VPS13A: variants seen among roughly 807,000 people sequenced by gnomAD.
The protein encoded by VPS13A is vacuolar protein sorting 13 homolog A.
Under a neutral mutation model 390.9 loss-of-function variants are expected in VPS13A, and 264 were observed. The observed-to-expected ratio is 0.68, with a 90% CI of 0.61 to 0.75. The LOEUF is 0.75. Ranked by LOEUF, VPS13A falls within the 30% of genes least tolerant of loss-of-function variation. VPS13A has a pLI of 0.00. For synonymous variants in VPS13A, 1,231 were observed against 1,227.1 expected, an observed-to-expected ratio of 1.00 and a Z score of -0.07; for missense variants, 3,409 against 3,733.9, an observed-to-expected ratio of 0.91 and a Z score of 2.27.
At position 77,267,202 on chromosome 9, in the gene VPS13A, C is replaced by T. The variant is rs542196925; in HGVS notation, c.2428-6078C>T. ...CTCATTCTCCATCCAGTTTTGTTCCCTTGCTGGCAAGGAGTTGTGATCCTT... is the reference window on the plus strand; with the variant it reads ...CTCATTCTCCATCCAGTTTTGTTCCTTTGCTGGCAAGGAGTTGTGATCCTT... On this transcript the variant is annotated intron_variant, in intron 23 of 71. Transcript: ENST00000360280. Among the ~76,000 whole-genome samples, 280 of 152,158 alleles carry T rather than the reference C, an allele frequency of 1.8e-3. 1 individual carries two copies. The highest frequency in any genetic ancestry group is 6.4e-3 in the African/African-American group (265 of 41,534).
intron 12 of VPS13A, among the ~76,000 whole-genome samples, 190 bp from the exon 13 acceptor site, chr9:77,220,991 TAAGA>T (rs957056046): frequency 3.9e-5 from 6 of 152,214 alleles, no homozygotes; most frequent in African/African-American, 1.4e-4. Flanking sequence ...TATTTTCACT[TAAGA>T]AAGAGGAAAG....
chr9:77,357,951 C>CTTT, intron 56 of VPS13A, 113 bp downstream of exon 56: 2 of 673,460 alleles, frequency 3.0e-6, no homozygotes, highest in Admixed American at 4.2e-5. Context: ...GTTGTGCTAG[C>CTTT]CTTTTTTTTT....
At chr9:77,209,744 A>G (rs1048775754) in intron 6 of VPS13A, among the ~76,000 whole-genome samples, 21 of 152,190 alleles carry the variant, frequency 1.4e-4, no homozygotes, top group Admixed American at 1.2e-3. Context: ...ATGTTCAGAC[A>G]TTAGATCATG....
At chr9:77,220,455 GAAT>G in intron 12 of VPS13A, 72 bp downstream of exon 12, 1 of 1,067,070 alleles carries the variant, frequency 9.4e-7, no homozygotes, top group Non-Finnish European at 1.4e-6. Flanking sequence ...TCGACTTCAA[GAAT>G]AATCTTTAAG....
intron 68 of VPS13A, among the ~76,000 whole-genome samples, chr9:77,398,647 T>G (rs926915973): frequency 6.6e-6 from 1 of 152,188 alleles, no homozygotes. Flanking sequence ...CAGCGTGACG[T>G]TCTCTCCCAT....
chr9:77,363,397 TTTTTTTA>T (rs1282966863), intron 59 of VPS13A, among the ~76,000 whole-genome samples: 1,348 of 94,362 alleles, frequency 0.014, 28 homozygotes, highest in African/African-American at 0.064. Context: ...TTAATTTTTT[TTTTTTTA>T]TTTTTTTTTT....
intron 3 of VPS13A, among the ~76,000 whole-genome samples, chr9:77,201,956 A>G (rs912681797): frequency 2.0e-5 from 3 of 152,136 alleles, no homozygotes; most frequent in African/African-American, 7.2e-5. Flanking sequence ...ATCTTTAATA[A>G]AAACTTATCT....
intron 46 of VPS13A, among the ~76,000 whole-genome samples, chr9:77,332,407 C>T (rs1830324679): frequency 6.6e-6 from 1 of 151,596 alleles, no homozygotes; most frequent in African/African-American, 2.4e-5. Flanking sequence ...TAGATCATGC[C>T]TGGTGGTTTC....
intron 17 of VPS13A, among the ~76,000 whole-genome samples, chr9:77,233,759 C>G (rs980611414): frequency 1.3e-5 from 2 of 151,892 alleles, no homozygotes; most frequent in African/African-American, 4.8e-5. Flanking sequence ...GGAGAAGATG[C>G]TTGGTGTATT....
chr9:77,213,197 C>T, intron 8 of VPS13A, 37 bp from the exon 9 acceptor site: 2 of 1,594,578 alleles, frequency 1.3e-6, no homozygotes, highest in Non-Finnish European at 1.7e-6. Flanking sequence ...AAAAATTCTT[C>T]AAAGAAAATG....
intron 35 of VPS13A, among the ~76,000 whole-genome samples, chr9:77,310,079 T>C (rs1056038669): frequency 6.6e-6 from 1 of 152,112 alleles, no homozygotes; most frequent in Non-Finnish European, 1.5e-5. Context: ...TCACCCAAAA[T>C]GTGAAAAGAA....
chr9:77,337,116 C>A lies in VPS13A; in HGVS notation c.6096-139C>A, dbSNP rs367998977. The A allele has an allele frequency of 3.0e-4, 286 of 947,384 alleles. No individual in the cohort carries two copies. In the African/African-American group the frequency reaches 4.4e-3, roughly 14 times the overall value. 58.7% of individuals were successfully genotyped at this position (947,384 alleles called of 1,614,324 possible). A position where few individuals can be genotyped will look rare whatever the true frequency, so the allele number is the denominator to read the frequency against. On this transcript the variant is annotated intron_variant, in intron 46 of 71. Coordinates refer to ENST00000360280, the MANE Select transcript of VPS13A (RefSeq NM_033305.3). The stretch of plus-strand genomic sequence containing the variant: ...CTGGCCTTATCTATCTTACTTATAT[C>A]GTAAAAAGTATATGAAAATATAAAA...
At position 77,360,743 on chromosome 9, in the gene VPS13A, C is replaced by T. The variant is rs974477711; in HGVS notation, c.8211+102C>T. 5.7e-6 allele frequency: 5 copies of T among 876,272 alleles called. No homozygotes were observed. In the Admixed American group the frequency reaches 8.7e-5, roughly 15 times the overall value. 54.3% of individuals were successfully genotyped at this position (876,272 alleles called of 1,614,324 possible). On this transcript the variant is annotated intron_variant, in intron 59 of 71. Coordinates refer to ENST00000360280, the MANE Select transcript of VPS13A (RefSeq NM_033305.3). ...ATGACTTTGTTGCATTTTAAAAATACAATTAAATAAATTTTATTACTCTCT... is the reference window on the plus strand; with the variant it reads ...ATGACTTTGTTGCATTTTAAAAATATAATTAAATAAATTTTATTACTCTCT...
Position 77,286,041 on chromosome 9 carries a change from G to A in VPS13A, c.3339+2391G>A, listed in dbSNP as rs774399786. Among the ~76,000 whole-genome samples the A allele has an allele frequency of 3.3e-4, 50 of 152,170 alleles. 1 individual carries two copies. The highest frequency in any genetic ancestry group is 5.7e-4 in the Non-Finnish European group (39 of 68,014). ...GGGCACAGTGAGATTCAGGGTTTGG[G>A]AGTAGGGGTTGGCAAGATACTTCAT... On this transcript the variant is annotated intron_variant, in intron 31 of 71. Transcript: ENST00000360280.
chr9:77,221,393 C>G (rs779859183), intron 13 of VPS13A, 37 bp downstream of exon 13: 5 of 1,605,560 alleles, frequency 3.1e-6, no homozygotes, highest in Non-Finnish European at 4.3e-6. Context: ...GTGTTTTATA[C>G]TACATAGCTC....
chr9:77,383,970 T>G (rs75721649), intron 68 of VPS13A, among the ~76,000 whole-genome samples: 99 of 139,230 alleles, frequency 7.1e-4, no homozygotes, highest in African/African-American at 2.2e-3. Context: ...GTTTTGTTTT[T>G]TTTTTTTTAA....
chr9:77,409,380 A>T (rs1217332303), intron 71 of VPS13A, among the ~76,000 whole-genome samples: 1 of 152,220 alleles, frequency 6.6e-6, no homozygotes, highest in African/African-American at 2.4e-5. Flanking sequence ...GAAACTCTAA[A>T]AATCAGAGTA....
intron 46 of VPS13A, among the ~76,000 whole-genome samples, chr9:77,332,513 T>G (rs1360831628): frequency 3.3e-5 from 5 of 151,690 alleles, no homozygotes; most frequent in Non-Finnish European, 7.4e-5. Context: ...TATTTTATCC[T>G]TTTCTTTTCA....
intron 67 of VPS13A, among the ~76,000 whole-genome samples, chr9:77,377,243 C>T (rs1447272446): frequency 3.6e-5 from 4 of 110,930 alleles, no homozygotes; most frequent in East Asian, 3.1e-4. Context: ...GACGGAGTCT[C>T]GCTCTGTCGC....
Sources: gnomAD v4.1 joint callset for allele counts (sites outside exome capture counted in the v4.1 genomes callset) on GRCh38, gnomAD v4.1.1 for gene constraint, MANE v1.5 for transcripts, NCBI Gene and HGNC (gene_info 2026-07-23, HGNC 2026-07-21) for gene names.